The following EPN2 variants were observed in gnomAD, a reference collection of about 807,000 sequenced individuals.
EPN2 encodes epsin 2.
EPN2 carries 34 observed loss-of-function variants against 61.7 expected under a neutral mutation model. That is an observed-to-expected ratio of 0.55 (90% CI 0.42 to 0.73). The LOEUF (loss-of-function observed/expected upper bound fraction) is 0.73, where lower values mean the gene tolerates loss of function less well. Among genes scored for constraint, EPN2 ranks in the 30% least tolerant of loss-of-function variants. The pLI is 0.00. For missense variants in EPN2, 714 were observed against 839.2 expected (o/e 0.85, Z 1.84); for synonymous variants, 349 against 353.6 (o/e 0.99, Z 0.15).
At chr17:19,255,560 G>GCTT (rs1567843880) in intron 1 of EPN2, among the ~76,000 whole-genome samples, 2 of 92,214 alleles carry the variant, frequency 2.2e-5, no homozygotes, top group Non-Finnish European at 4.0e-5. Context: ...TCTGGGGAGA[G>GCTT]TTTTTTTTTT....
intron 7 of EPN2, among the ~76,000 whole-genome samples, chr17:19,323,223 G>T (rs1906725162): frequency 6.6e-6 from 1 of 152,168 alleles, no homozygotes; most frequent in Non-Finnish European, 1.5e-5. Context: ...TCAAGGGGGG[G>T]ATTCCAGAGG....
intron 1 of EPN2, among the ~76,000 whole-genome samples, chr17:19,280,559 A>G (rs1408936360): frequency 6.6e-6 from 1 of 152,194 alleles, no homozygotes; most frequent in African/African-American, 2.4e-5. Context: ...GACATATTTG[A>G]GGATGGAGAG....
At chr17:19,238,075 T>TA (rs1485106346) in intron 1 of EPN2, among the ~76,000 whole-genome samples, 1 of 151,756 alleles carries the variant, frequency 6.6e-6, no homozygotes, top group Non-Finnish European at 1.5e-5. Flanking sequence ...CTGGGGGCTG[T>TA]AGCAGGGCCC....
intron 5 of EPN2, among the ~76,000 whole-genome samples, chr17:19,311,669 TTCTA>T (rs1906144036): frequency 6.6e-6 from 1 of 152,230 alleles, no homozygotes; most frequent in Admixed American, 6.5e-5. Context: ...TTTATCTTCT[TTCTA>T]ATTCCTTTTT....
chr17:19,317,960 C>G (rs1217688245), intron 7 of EPN2, among the ~76,000 whole-genome samples: 2 of 152,174 alleles, frequency 1.3e-5, no homozygotes, highest in African/African-American at 4.8e-5. Flanking sequence ...TCCATGACTC[C>G]CCCGCACACA....
intron 1 of EPN2, among the ~76,000 whole-genome samples, chr17:19,243,275 G>A (rs1321503859): frequency 2.0e-5 from 3 of 148,952 alleles, no homozygotes; most frequent in Admixed American, 1.3e-4. Flanking sequence ...GCTGGAGTGC[G>A]GTGGCGCGAT....
chr17:19,273,074 C>T (rs1193119827), intron 1 of EPN2: 6 of 152,198 alleles, frequency 3.9e-5, no homozygotes, highest in African/African-American at 1.4e-4. Flanking sequence ...AAATTGAGTA[C>T]ATATCAAGTT....
chr17:19,254,079 C>T (rs1406461292), intron 1 of EPN2, among the ~76,000 whole-genome samples: 1 of 150,560 alleles, frequency 6.6e-6, no homozygotes, highest in Non-Finnish European at 1.5e-5. Context: ...TAGCAGTGAG[C>T]CATGATCACG....
At chr17:19,316,892 C>T (rs990078725) in intron 7 of EPN2, among the ~76,000 whole-genome samples, 7 of 152,216 alleles carry the variant, frequency 4.6e-5, no homozygotes, top group African/African-American at 1.4e-4. Context: ...TGTTGACCAG[C>T]TCTGCAGGAG....
chr17:19,319,567 A>G (rs8072278), intron 7 of EPN2, among the ~76,000 whole-genome samples: 147,141 of 152,230 alleles, frequency 0.97, 71,375 homozygotes, highest in African/African-American at 0.99. Flanking sequence ...TCTTGACCTC[A>G]TGATCCACCT....
chr17:19,295,187 G>A (rs149698226), intron 4 of EPN2, among the ~76,000 whole-genome samples: 213 of 152,218 alleles, frequency 1.4e-3, no homozygotes, highest in Non-Finnish European at 2.6e-3. Flanking sequence ...TGTATCCCTA[G>A]TGTCTTTAGC....
At chr17:19,262,731 A>C (rs1021529861) in intron 1 of EPN2, among the ~76,000 whole-genome samples, 1 of 151,236 alleles carries the variant, frequency 6.6e-6, no homozygotes, top group African/African-American at 2.4e-5. Flanking sequence ...GTACCCATTA[A>C]GCAGTCATTT....
chr17:19,331,999 G>T lies in EPN2; in HGVS notation c.1558G>T (p.Val520Leu). ...CTTCCTGGGCCCCAACGCGGCCCTG[G>T]TGAACCTGGACTCACTGGTGACCAG... The part of the protein sequence containing the change: ...ESFLGPNAAL[V>L]NLDSLVTRPA... Residue 520 changes from valine to leucine, a missense_variant, in exon 10 of 11, where the codon GTG becomes TTG. Coordinates refer to ENST00000314728, the MANE Select transcript of EPN2 (RefSeq NM_014964.5). The T allele has an allele frequency of 1.2e-6, 2 of 1,613,968 alleles. No homozygotes were observed. The highest frequency in any genetic ancestry group is 1.7e-6 in the Non-Finnish European group (2 of 1,180,032).
intron 1 of EPN2, among the ~76,000 whole-genome samples, chr17:19,244,150 G>C (rs2044918402): frequency 1.3e-5 from 2 of 152,184 alleles, no homozygotes; most frequent in South Asian, 2.1e-4. Context: ...GAAGTTTACT[G>C]TCTAGGCCTT....
rs1003139096 is a variant in EPN2, at chr17:19,285,527, C to T, written c.596-93C>T. ...CCGCAGTGGGCTGCGGGGTTGACCCCGAGTGGCCTTGGCCCGTACCTCCTG... is the reference window on the plus strand; with the variant it reads ...CCGCAGTGGGCTGCGGGGTTGACCCTGAGTGGCCTTGGCCCGTACCTCCTG... On this transcript the variant is annotated intron_variant, in intron 3 of 10. Coordinates refer to ENST00000314728, the MANE Select transcript of EPN2 (RefSeq NM_014964.5). The surrounding 1 kb of genome is among the most constrained non-coding windows in gnomAD (Gnocchi z 4.5). The T allele has an allele frequency of 1.5e-5, 20 of 1,363,054 alleles. No homozygotes were observed. The highest frequency in any genetic ancestry group is 4.5e-5 in the African/African-American group (3 of 66,912). The allele number at this position is 1,363,054 out of a possible 1,614,324, so 84.4% of individuals were successfully genotyped here. A position where few individuals can be genotyped will look rare whatever the true frequency, so the allele number is the denominator to read the frequency against.
intron 4 of EPN2, among the ~76,000 whole-genome samples, chr17:19,306,969 G>A (rs9902020): frequency 0.031 from 4,782 of 152,198 alleles, 257 homozygotes; most frequent in African/African-American, 0.11. Context: ...TAATGATTTG[G>A]GTGTGAGTGC....
At chr17:19,239,918 G>A (rs1001486657) in intron 1 of EPN2, among the ~76,000 whole-genome samples, 1 of 152,092 alleles carries the variant, frequency 6.6e-6, no homozygotes, top group Non-Finnish European at 1.5e-5. Flanking sequence ...TCCATAATGA[G>A]CGGAGGATTT....
intron 4 of EPN2, among the ~76,000 whole-genome samples, chr17:19,287,604 CCTT>C (rs1020602091): frequency 1.3e-5 from 2 of 152,082 alleles, no homozygotes; most frequent in South Asian, 4.1e-4. Flanking sequence ...TTGGAGCACA[CCTT>C]CTTGGAAATC....
intron 1 of EPN2, among the ~76,000 whole-genome samples, chr17:19,243,242 C>T (rs1427895096): frequency 2.3e-5 from 3 of 128,528 alleles, no homozygotes; most frequent in African/African-American, 9.3e-5. Context: ...TTTTTTGAGA[C>T]AGAGTCTTGT....
Sources: gnomAD v4.1 joint callset for allele counts (sites outside exome capture counted in the v4.1 genomes callset) on GRCh38, gnomAD v4.1.1 for gene constraint, Gnocchi (gnomAD v3.1) non-coding constraint, MANE v1.5 for transcripts, NCBI Gene and HGNC (gene_info 2026-07-23, HGNC 2026-07-21) for gene names.